Variants in PCDHB4 observed in about 807,000 individuals in gnomAD.
PCDHB4 encodes the protein protocadherin beta 4.
For synonymous variants in PCDHB4, 482 were observed against 447.3 expected (o/e 1.08, Z -0.98); for missense variants, 1,063 against 1,007.0 (o/e 1.06, Z -0.75).
In PCDHB4 at chr5:141,123,324, C is replaced by G; in HGVS notation, c.1326C>G (p.Asp442Glu). ...AGAACATAACCGTGCAGGTCTCCGACGTCAATGACAACGCCCCCGCCTTCA... is the reference window on the plus strand; with the variant it reads ...AGAACATAACCGTGCAGGTCTCCGAGGTCAATGACAACGCCCCCGCCTTCA... ...TQQNITVQVS[D>E]VNDNAPAFTQ... Residue 442 changes from aspartate to glutamate, a missense_variant, in exon 1 of 1, where the codon GAC becomes GAG. Coordinates refer to ENST00000194152, the MANE Select transcript of PCDHB4 (RefSeq NM_018938.4). The G allele has an allele frequency of 1.9e-6, 3 of 1,614,158 alleles. No individual in the cohort carries two copies. The highest frequency in any genetic ancestry group is 2.5e-6 in the Non-Finnish European group (3 of 1,180,038).
chr5:141,123,882 G>T lies in PCDHB4; in HGVS notation c.1884G>T (p.Leu628=). 1.9e-6 allele frequency: 3 copies of T among 1,607,024 alleles called. No homozygotes were observed. The highest frequency in any genetic ancestry group is 2.5e-6 in the Non-Finnish European group (3 of 1,179,658). Residue 628 remains leucine, a synonymous_variant, in exon 1 of 1, where the codon CTG becomes CTT. Transcript: ENST00000194152. ...AHNGEVRTAR[L]LSERDAAKHR... is the part of the protein sequence containing the mutation. ...ATGGCGAGGTGCGCACCGCCAGGCTGCTGAGCGAGCGCGACGCAGCCAAGC... is the reference window on the plus strand; with the variant it reads ...ATGGCGAGGTGCGCACCGCCAGGCTTCTGAGCGAGCGCGACGCAGCCAAGC...
rs1433049532 is a variant in PCDHB4, at chr5:141,123,893, G to T, written c.1895G>T (p.Arg632Leu). ...CGCACCGCCAGGCTGCTGAGCGAGC[G>T]CGACGCAGCCAAGCACAGGCTCGTG... ...EVRTARLLSE[R>L]DAAKHRLVVL... The change falls in exon 1 of 1, where the codon CGC (arginine) becomes CTC (leucine). Residue 632 changes from arginine to leucine, a missense_variant. Transcript: ENST00000194152. 3 of 1,606,540 alleles carry T rather than the reference G, an allele frequency of 1.9e-6. No homozygotes were observed. Among genetic ancestry groups the T allele is most frequent in the African/African-American group, 2.7e-5 (2 of 74,866 alleles).
At position 141,123,247 on chromosome 5, in the gene PCDHB4, A is replaced by T. The variant is rs1554274500; in HGVS notation, c.1249A>T (p.Asn417Tyr). ...GGACCGAGAGACCAGCGCTGAGTAC[A>T]ACATCACCATCGCCGTCACTGACTT... ...PLDRETSAEY[N>Y]ITIAVTDLGT... is the part of the protein sequence containing the mutation. The change falls in exon 1 of 1, where the codon AAC (asparagine) becomes TAC (tyrosine). Residue 417 changes from asparagine to tyrosine, a missense_variant. Coordinates refer to ENST00000194152, the MANE Select transcript of PCDHB4 (RefSeq NM_018938.4). The T allele has an allele frequency of 2.5e-6, 4 of 1,614,058 alleles. No homozygotes were observed. Among genetic ancestry groups the T allele is most frequent in the Admixed American group, 1.7e-5 (1 of 60,002 alleles).
Position 141,124,585 on chromosome 5 carries a change from A to T in PCDHB4, c.*199A>T. On this transcript the variant is annotated 3_prime_UTR_variant, in exon 1 of 1. Coordinates refer to ENST00000194152, the MANE Select transcript of PCDHB4 (RefSeq NM_018938.4). ...ACATTTTTAGTTATACTGGATATTGAGTATGGATTTTCTCTATATTTGATC... is the reference window on the plus strand; with the variant it reads ...ACATTTTTAGTTATACTGGATATTGTGTATGGATTTTCTCTATATTTGATC... 1 of 479,216 alleles carries T rather than the reference A, an allele frequency of 2.1e-6. No homozygotes were observed. The highest frequency in any genetic ancestry group is 3.6e-6 in the Non-Finnish European group (1 of 277,260). The allele number at this position is 479,216 out of a possible 1,614,324, so 29.7% of individuals were successfully genotyped here.
In PCDHB4 at chr5:141,123,717, G is replaced by A. The variant is rs1588317782; in HGVS notation, c.1719G>A (p.Glu573=). 1 of 1,610,610 alleles carries A rather than the reference G, an allele frequency of 6.2e-7. No homozygotes were observed. Reference sequence around the variant, plus strand: ...AGAATGGCTCCGCGCCCTGCACCGAGCTGGTGCCCCGGGCGGCCGAGCCGG... The same window carrying A: ...AGAATGGCTCCGCGCCCTGCACCGAACTGGTGCCCCGGGCGGCCGAGCCGG... The part of the protein sequence containing the change: ...PLQNGSAPCT[E]LVPRAAEPGY... The change falls in exon 1 of 1, where the codon GAG becomes GAA. Residue 573 remains glutamate (E), a synonymous_variant. Transcript: ENST00000194152.
chr5:141,121,965 T>C lies in PCDHB4; in HGVS notation c.-34T>C, dbSNP rs782188146. Reference sequence around the variant, plus strand: ...ATGTCTCAAGTCTCGTTGCGGTTGCTGAGGGGATTGGATATAGGGACCTGG... The same window carrying C: ...ATGTCTCAAGTCTCGTTGCGGTTGCCGAGGGGATTGGATATAGGGACCTGG... On this transcript the variant is annotated 5_prime_UTR_variant, in exon 1 of 1. Coordinates refer to ENST00000194152, the MANE Select transcript of PCDHB4 (RefSeq NM_018938.4). The C allele has an allele frequency of 2.1e-6, 3 of 1,448,390 alleles. No individual in the cohort carries two copies. The highest frequency in any genetic ancestry group is 2.8e-6 in the Non-Finnish European group (3 of 1,069,180). The allele number at this position is 1,448,390 out of a possible 1,614,324, so 89.7% of individuals were successfully genotyped here.
In PCDHB4 at chr5:141,122,127, T is replaced by C. The variant is rs782021035; in HGVS notation, c.129T>C (p.Phe43=). 1.1e-5 allele frequency: 18 copies of C among 1,614,096 alleles called. No individual in the cohort carries two copies. The East Asian group carries it at 3.1e-4, about 28-fold the overall frequency. The change falls in exon 1 of 1, where the codon TTT becomes TTC. Residue 43 remains phenylalanine (F), a synonymous_variant. Coordinates refer to ENST00000194152, the MANE Select transcript of PCDHB4 (RefSeq NM_018938.4). The stretch of plus-strand genomic sequence containing the variant: ...TGGAGGAAACAGAGAGCGGCTCCTT[T>C]GTAGCCCATCTGGCCAAGGATCTGG... ...SVLEETESGS[F]VAHLAKDLGL... is the part of the protein sequence containing the mutation.
chr5:141,124,157 C>G lies in PCDHB4; in HGVS notation c.2159C>G (p.Ser720Trp). The G allele has an allele frequency of 6.2e-7, 1 of 1,612,672 alleles. No individual in the cohort carries two copies. The highest frequency in any genetic ancestry group is 8.5e-7 in the Non-Finnish European group (1 of 1,179,984). ...CTGTGCAGGAGGAGCAGGGCGGCCT[C>G]GGTGGGTCGCTGCTCGGTGCCCGAG... ...VRLCRRSRAA[S>W]VGRCSVPEGP... Residue 720 changes from serine to tryptophan, a missense_variant, in exon 1 of 1, where the codon TCG becomes TGG. Transcript: ENST00000194152.
rs1563859314 is a variant in PCDHB4, at chr5:141,123,884, T to A, written c.1886T>A (p.Leu629Gln). ...HNGEVRTARL[L>Q]SERDAAKHRL... ...GGCGAGGTGCGCACCGCCAGGCTGC[T>A]GAGCGAGCGCGACGCAGCCAAGCAC... Residue 629 changes from leucine to glutamine, a missense_variant, in exon 1 of 1, where the codon CTG becomes CAG. By Grantham distance (113) the Leu-to-Gln change is moderately radical. Transcript: ENST00000194152. 6.2e-7 allele frequency: 1 copy of A among 1,607,076 alleles called. No homozygotes were observed. The highest frequency in any genetic ancestry group is 1.7e-5 in the Admixed American group (1 of 59,998).
chr5:141,123,515 A>G lies in PCDHB4; in HGVS notation c.1517A>G (p.Asn506Ser), dbSNP rs201200672. The G allele has an allele frequency of 2.1e-4, 331 of 1,613,196 alleles. No homozygotes were observed. Among genetic ancestry groups the G allele is most frequent in the Non-Finnish European group, 2.7e-4 (321 of 1,179,996 alleles). ...CCCCTCGCCTCCCTGGTCTCCATCA[A>G]CGCAGACAACGGCCACCTGTTCGCC... ...HLPLASLVSINADNGHLFALR... is the reference protein window; with the variant it reads ...HLPLASLVSISADNGHLFALR... Residue 506 changes from asparagine to serine, a missense_variant, in exon 1 of 1, where the codon AAC becomes AGC. By Grantham distance (46) the Asn-to-Ser change is conservative. Transcript: ENST00000194152.
chr5:141,122,445 T>C lies in PCDHB4; in HGVS notation c.447T>C (p.Thr149=), dbSNP rs538654926. The C allele has an allele frequency of 1.2e-6, 2 of 1,614,130 alleles. No homozygotes were observed. The highest frequency in any genetic ancestry group is 1.3e-5 in the African/African-American group (1 of 74,962). The change falls in exon 1 of 1, where the codon ACT becomes ACC. Residue 149 remains threonine (T), a synonymous_variant. Coordinates refer to ENST00000194152, the MANE Select transcript of PCDHB4 (RefSeq NM_018938.4). ...LKILENSQPG[T]LFPLLIAEDL... ...TACTAGAAAATAGCCAGCCGGGTAC[T>C]CTATTTCCGTTGCTAATAGCTGAGG... is the stretch of plus-strand genomic sequence containing the variant.
rs782751722 is a variant in PCDHB4 at position 141,122,677 on chromosome 5, G to A, written c.679G>A (p.Val227Ile). 1 of 1,614,198 alleles carries A rather than the reference G, an allele frequency of 6.2e-7. No individual in the cohort carries two copies. Among genetic ancestry groups the A allele is most frequent in the Admixed American group, 1.7e-5 (1 of 60,030 alleles). The change falls in exon 1 of 1, where the codon GTT becomes ATT. Residue 227 changes from valine to isoleucine, a missense_variant. By Grantham distance (29) the Val-to-Ile change is conservative. Transcript: ENST00000194152. ...ACCACCTAGGTCTGGCACGGTCATG[G>A]TTCGAATCCTGATCATGGACATCAA... is the stretch of plus-strand genomic sequence containing the variant. ...GSPPRSGTVM[V>I]RILIMDINDN...
chr5:141,123,375 C>T lies in PCDHB4; in HGVS notation c.1377C>T (p.Val459=), dbSNP rs1197906203. ...AFTQTSYTLF[V]RENNSPALHI... ...CCCAAACCTCCTACACCCTGTTCGT[C>T]CGCGAGAACAACAGCCCCGCCCTGC... Residue 459 remains valine (V), a synonymous_variant, in exon 1 of 1, where the codon GTC becomes GTT. Transcript: ENST00000194152. 1 of 1,613,786 alleles carries T rather than the reference C, an allele frequency of 6.2e-7. No individual in the cohort carries two copies. The highest frequency in any genetic ancestry group is 8.5e-7 in the Non-Finnish European group (1 of 1,180,040).
rs782084409 is a variant in PCDHB4, at chr5:141,124,280, G to T, written c.2282G>T (p.Gly761Val). Residue 761 changes from glycine (G) to valine (V), a missense_variant, in exon 1 of 1, where the codon GGT (glycine) becomes GTT (valine). Physicochemically the swap from Gly to Val is moderately radical, Grantham distance 109. Coordinates refer to ENST00000194152, the MANE Select transcript of PCDHB4 (RefSeq NM_018938.4). ...EVCLTGDSGT[G>V]EFKFLKPIFP... The stretch of plus-strand genomic sequence containing the variant: ...TGTCTGACAGGAGACTCTGGGACTG[G>T]TGAGTTCAAGTTCCTGAAGCCAATA... 33 of 1,614,070 alleles carry T rather than the reference G, an allele frequency of 2.0e-5. No individual in the cohort carries two copies. The African/African-American group carries it at 3.6e-4, about 18-fold the overall frequency.
Position 141,123,514 on chromosome 5 carries a change from A to C in PCDHB4, c.1516A>C (p.Asn506His). Residue 506 changes from asparagine to histidine, a missense_variant, in exon 1 of 1, where the codon AAC (asparagine) becomes CAC (histidine). Coordinates refer to ENST00000194152, the MANE Select transcript of PCDHB4 (RefSeq NM_018938.4). ...HLPLASLVSI[N>H]ADNGHLFALR... is the part of the protein sequence containing the mutation. ...GCCCCTCGCCTCCCTGGTCTCCATC[A>C]ACGCAGACAACGGCCACCTGTTCGC... 1.2e-6 allele frequency: 2 copies of C among 1,613,334 alleles called. No individual in the cohort carries two copies. Among genetic ancestry groups the C allele is most frequent in the Non-Finnish European group, 1.7e-6 (2 of 1,179,988 alleles).
Position 141,125,101 on chromosome 5 carries a change from G to C in PCDHB4, c.*715G>C, listed in dbSNP as rs1390829031. ...AACTTATTTATAAATAATTTTTAAA[G>C]AGAAAAATCTCATATAATTTGTCAT... On this transcript the variant is annotated 3_prime_UTR_variant, in exon 1 of 1. Coordinates refer to ENST00000194152, the MANE Select transcript of PCDHB4 (RefSeq NM_018938.4). 6.6e-6 allele frequency: 1 copy of C among 151,700 alleles called. No homozygotes were observed. The highest frequency in any genetic ancestry group is 2.1e-4 in the South Asian group (1 of 4,800). The allele number at this position is 151,700 out of a possible 1,614,324, so 9.4% of individuals were successfully genotyped here.
Position 141,122,829 on chromosome 5 carries a change from T to C in PCDHB4, c.831T>C (p.Ser277=), listed in dbSNP as rs1225458803. The part of the protein sequence containing the change: ...DIDAGNFGSV[S]YGLFQASDEI... ...ATGCTGGAAACTTCGGGAGTGTTTC[T>C]TATGGCTTATTCCAAGCATCAGATG... Residue 277 remains serine, a synonymous_variant, in exon 1 of 1, where the codon TCT becomes TCC. Coordinates refer to ENST00000194152, the MANE Select transcript of PCDHB4 (RefSeq NM_018938.4). 2 of 1,613,880 alleles carry C rather than the reference T, an allele frequency of 1.2e-6. No individual in the cohort carries two copies. Among genetic ancestry groups the C allele is most frequent in the African/African-American group, 2.7e-5 (2 of 74,930 alleles).
rs1458539097 is a variant in PCDHB4, at chr5:141,124,466, T to C, written c.*80T>C. 2 of 1,207,620 alleles carry C rather than the reference T, an allele frequency of 1.7e-6. No individual in the cohort carries two copies. Among genetic ancestry groups the C allele is most frequent in the Admixed American group, 2.7e-5 (1 of 37,004 alleles). 74.8% of individuals were successfully genotyped at this position (1,207,620 alleles called of 1,614,324 possible). On this transcript the variant is annotated 3_prime_UTR_variant, in exon 1 of 1. Transcript: ENST00000194152. ...AATGCCTTTATTTAAAAAAATTGTC[T>C]ACTTATCTAAATATTCATACCACAA... is the stretch of plus-strand genomic sequence containing the variant.
chr5:141,122,846 C>T lies in PCDHB4; in HGVS notation c.848C>T (p.Ala283Val), dbSNP rs1554274423. ...AGTGTTTCTTATGGCTTATTCCAAGCATCAGATGAAATTAAACAAACTTTC... is the reference window on the plus strand; with the variant it reads ...AGTGTTTCTTATGGCTTATTCCAAGTATCAGATGAAATTAAACAAACTTTC... ...FGSVSYGLFQ[A>V]SDEIKQTFSI... The change falls in exon 1 of 1, where the codon GCA (alanine) becomes GTA (valine). Residue 283 changes from alanine to valine, a missense_variant. Ala to Val is a moderately conservative substitution (Grantham distance 64, BLOSUM62 0). Coordinates refer to ENST00000194152, the MANE Select transcript of PCDHB4 (RefSeq NM_018938.4). 3.7e-6 allele frequency: 6 copies of T among 1,613,596 alleles called. No homozygotes were observed. In the East Asian group the frequency reaches 1.1e-4, roughly 30 times the overall value.
Sources: gnomAD v4.1 joint callset for allele counts on GRCh38, gnomAD v4.1.1 for gene constraint, MANE v1.5 for transcripts, NCBI Gene and HGNC (gene_info 2026-07-23, HGNC 2026-07-21) for gene names.